The following PTPRK variants were observed in gnomAD, a reference collection of about 807,000 sequenced individuals.
PTPRK encodes the protein receptor-type tyrosine-protein phosphatase kappa.
In PTPRK, 75 loss-of-function variants were observed where a neutral mutation model predicts 178.0. That is an observed-to-expected ratio of 0.42 (90% confidence interval 0.35 to 0.51). The LOEUF is 0.51. Ranked by LOEUF, PTPRK falls within the 20% of genes least tolerant of loss-of-function variation. The probability of loss-of-function intolerance (pLI) is 0.02; values close to 1 mark genes in which losing one functional copy is unlikely to be tolerated. For synonymous variants in PTPRK, 637 were observed against 620.6 expected (o/e 1.03, Z -0.39); for missense variants, 1,441 against 1,797.8 (o/e 0.80, Z 3.59).
At chr6:128,380,594 A>G (rs1220613124) in intron 2 of PTPRK, among the ~76,000 whole-genome samples, 12 of 151,638 alleles carry the variant, frequency 7.9e-5, no homozygotes, top group Admixed American at 7.9e-4. Flanking sequence ...TTACACTTTT[A>G]AAGGGTTTAT....
At chr6:128,185,797 G>C (rs778670702) in intron 6 of PTPRK, among the ~76,000 whole-genome samples, 1 of 152,066 alleles carries the variant, frequency 6.6e-6, no homozygotes, top group Non-Finnish European at 1.5e-5. Context: ...GGGAAGTCAT[G>C]AGCACATAAT....
chr6:128,112,863 T>C (rs932259284), intron 7 of PTPRK, among the ~76,000 whole-genome samples: 4 of 152,134 alleles, frequency 2.6e-5, no homozygotes, highest in African/African-American at 9.6e-5. Flanking sequence ...TGCAGTTTGA[T>C]TTCTTACAGG....
At position 127,992,659 on chromosome 6, in the gene PTPRK, A is replaced by G. The variant is rs979803674; in HGVS notation, c.2881+14T>C. On this transcript the variant is annotated intron_variant, in intron 19 of 29. Transcript: ENST00000368226. ...TTTGTTTTTTCTATAACATTTAACA[A>G]GGCAAAGTTTTACCTTGGGTTGCAA... 1 of 1,588,022 alleles carries G rather than the reference A, an allele frequency of 6.3e-7. No homozygotes were observed. Among genetic ancestry groups the G allele is most frequent in the Non-Finnish European group, 8.6e-7 (1 of 1,169,288 alleles).
chr6:128,340,604 TA>T (rs199942902), intron 2 of PTPRK, among the ~76,000 whole-genome samples: 3,021 of 152,322 alleles, frequency 0.02, 50 homozygotes, highest in Middle Eastern at 0.041. Context: ...TCTGCACAGA[TA>T]AATATCTGAG....
At chr6:128,240,909 C>G (rs954819844) in intron 4 of PTPRK, among the ~76,000 whole-genome samples, 1 of 152,172 alleles carries the variant, frequency 6.6e-6, no homozygotes, top group Non-Finnish European at 1.5e-5. Flanking sequence ...TTTATATAAA[C>G]AGCAAAAGCT....
chr6:128,085,849 A>G (rs1166445807), intron 8 of PTPRK, among the ~76,000 whole-genome samples: 1 of 152,210 alleles, frequency 6.6e-6, no homozygotes, highest in Non-Finnish European at 1.5e-5. Flanking sequence ...ATGATCATAG[A>G]TGAGAGAAGG....
intron 3 of PTPRK, among the ~76,000 whole-genome samples, chr6:128,283,706 A>C (rs975573224): frequency 1.3e-5 from 2 of 152,224 alleles, no homozygotes; most frequent in African/African-American, 4.8e-5. Flanking sequence ...TATTATATTA[A>C]GAAAATAGGT....
chr6:128,439,535 C>A (rs532265672), intron 1 of PTPRK, among the ~76,000 whole-genome samples: 1 of 152,214 alleles, frequency 6.6e-6, no homozygotes, highest in African/African-American at 2.4e-5. Flanking sequence ...ATGATTTCTG[C>A]TATGGTTTAA....
chr6:128,138,612 T>C (rs776630779), intron 7 of PTPRK, among the ~76,000 whole-genome samples: 13 of 152,136 alleles, frequency 8.5e-5, no homozygotes, highest in Non-Finnish European at 1.6e-4. Flanking sequence ...TTTTCTAATC[T>C]CTTCTTCAAT....
At chr6:128,289,374 T>G (rs2128306158) in intron 3 of PTPRK, among the ~76,000 whole-genome samples, 1 of 152,270 alleles carries the variant, frequency 6.6e-6, no homozygotes, top group East Asian at 1.9e-4. Context: ...TGTGCTATTC[T>G]TCAAGAAAAT....
chr6:128,129,173 A>G (rs1008619000), intron 7 of PTPRK, among the ~76,000 whole-genome samples: 1 of 152,160 alleles, frequency 6.6e-6, no homozygotes, highest in African/African-American at 2.4e-5. Flanking sequence ...AATTCTGACT[A>G]CATGTATTTC....
chr6:128,169,900 A>G (rs1351831610), intron 7 of PTPRK, among the ~76,000 whole-genome samples: 1 of 151,874 alleles, frequency 6.6e-6, no homozygotes, highest in Non-Finnish European at 1.5e-5. Flanking sequence ...TTCCAGAACT[A>G]TATGGGATAA....
chr6:127,976,526 T>TGC (rs1305187653), intron 27 of PTPRK, 131 bp downstream of exon 27: 1 of 1,113,012 alleles, frequency 9.0e-7, no homozygotes, highest in Non-Finnish European at 1.3e-6. Flanking sequence ...CATAAGATGG[T>TGC]TACTAGCTTT....
chr6:128,174,231 T>C (rs1800719329), intron 7 of PTPRK, among the ~76,000 whole-genome samples: 1 of 152,048 alleles, frequency 6.6e-6, no homozygotes, highest in South Asian at 2.1e-4. Context: ...AAGTAAGCAC[T>C]CTGCAGGAGT....
At chr6:128,304,198 T>A (rs900708963) in intron 3 of PTPRK, among the ~76,000 whole-genome samples, 3 of 152,222 alleles carry the variant, frequency 2.0e-5, no homozygotes, top group Non-Finnish European at 4.4e-5. Context: ...AACCTAAGTA[T>A]ACTAGTTAGA....
At chr6:128,056,401 T>A (rs1395270354) in intron 13 of PTPRK, among the ~76,000 whole-genome samples, 8 of 151,990 alleles carry the variant, frequency 5.3e-5, no homozygotes, top group Non-Finnish European at 8.8e-5. Flanking sequence ...TCTTTATCCA[T>A]ACCTGAACAT....
intron 7 of PTPRK, among the ~76,000 whole-genome samples, chr6:128,141,289 G>A (rs1583192642): frequency 6.6e-6 from 1 of 151,590 alleles, no homozygotes; most frequent in Non-Finnish European, 1.5e-5. Flanking sequence ...TCTTGACCAA[G>A]AAACATAAAA....
intron 7 of PTPRK, among the ~76,000 whole-genome samples, chr6:128,133,059 T>C (rs1794497446): frequency 6.6e-6 from 1 of 152,214 alleles, no homozygotes; most frequent in African/African-American, 2.4e-5. Context: ...ATAAAAAAGA[T>C]ACGTGCATGC....
At chr6:128,135,643 G>A (rs1794909569) in intron 7 of PTPRK, among the ~76,000 whole-genome samples, 1 of 152,032 alleles carries the variant, frequency 6.6e-6, no homozygotes, top group Non-Finnish European at 1.5e-5. Context: ...TAGAAACAAG[G>A]CCTTCTTAGC....
Sources: gnomAD v4.1 joint callset for allele counts (sites outside exome capture counted in the v4.1 genomes callset) on GRCh38, gnomAD v4.1.1 for gene constraint, MANE v1.5 for transcripts, NCBI Gene and HGNC (gene_info 2026-07-23, HGNC 2026-07-21) for gene names.